Variants in ASTN1 observed in about 807,000 individuals in gnomAD.
ASTN1 encodes astrotactin 1.
In ASTN1, 41 loss-of-function variants were observed where a neutral mutation model predicts 140.7. The observed-to-expected ratio is 0.29, with a 90% confidence interval of 0.23 to 0.38. The LOEUF (loss-of-function observed/expected upper bound fraction) is 0.38. Ranked by LOEUF, ASTN1 falls within the 10% of genes least tolerant of loss-of-function variation. The pLI, the probability that ASTN1 is intolerant of heterozygous loss-of-function variation, is 1.00. For missense variants in ASTN1, 1,479 were observed against 1,678.8 expected (o/e 0.88, Z 2.08); for synonymous variants, 640 against 652.2 (o/e 0.98, Z 0.29).
chr1:177,055,349 C>A (rs763839536), intron 2 of ASTN1, among the ~76,000 whole-genome samples: 2 of 152,218 alleles, frequency 1.3e-5, no homozygotes, highest in Middle Eastern at 3.2e-3. Flanking sequence ...GCAGGGCATT[C>A]CATGGTGCCA....
chr1:176,893,216 T>A (rs977334376), intron 17 of ASTN1, among the ~76,000 whole-genome samples: 1 of 152,094 alleles, frequency 6.6e-6, no homozygotes, highest in Non-Finnish European at 1.5e-5. Context: ...ATCCCACTGC[T>A]CCCAGGCAAG....
At position 176,876,524 on chromosome 1, in the gene ASTN1, C is replaced by T. The variant is rs777940721; in HGVS notation, c.3463+13G>A. 47 of 1,613,572 alleles carry T rather than the reference C, an allele frequency of 2.9e-5. No homozygotes were observed. The highest frequency in any genetic ancestry group is 4.5e-5 in the East Asian group (2 of 44,884). ...ATCCCTTCAGAAACACTGCTAACTT[C>T]GATGTCTCTTACCTTGAGCCTTGAC... On this transcript the variant is annotated intron_variant, in intron 21 of 22. Transcript: ENST00000361833.
intron 12 of ASTN1, among the ~76,000 whole-genome samples, chr1:176,947,474 CG>C (rs1316556774): frequency 6.6e-6 from 1 of 152,074 alleles, no homozygotes; most frequent in African/African-American, 2.4e-5. Flanking sequence ...TTCTTCGGCA[CG>C]CTATATATAG....
chr1:176,919,842 CT>C (rs1670656418), intron 16 of ASTN1, among the ~76,000 whole-genome samples: 1 of 152,216 alleles, frequency 6.6e-6, no homozygotes, highest in African/African-American at 2.4e-5. Flanking sequence ...ATAAACCTGA[CT>C]GAAGAAAAAC....
At chr1:176,982,668 T>G (rs1395140105) in intron 8 of ASTN1, among the ~76,000 whole-genome samples, 2 of 152,166 alleles carry the variant, frequency 1.3e-5, no homozygotes, top group Non-Finnish European at 2.9e-5. Flanking sequence ...CTGGAGAACT[T>G]TTGACCTTCA....
intron 16 of ASTN1, among the ~76,000 whole-genome samples, chr1:176,909,287 C>T (rs1370294109): frequency 1.3e-5 from 2 of 152,142 alleles, no homozygotes; most frequent in African/African-American, 4.8e-5. Context: ...CAATGGGCTT[C>T]CATGTAAAGT....
At chr1:176,943,225 G>C (rs1267436216) in intron 14 of ASTN1, among the ~76,000 whole-genome samples, 1 of 151,894 alleles carries the variant, frequency 6.6e-6, no homozygotes, top group African/African-American at 2.4e-5. Flanking sequence ...GCCAGCTGGG[G>C]GTCTTCAGAG....
chr1:177,164,294 G>T, intron 1 of ASTN1, 100 bp downstream of exon 1: 1 of 1,264,222 alleles, frequency 7.9e-7, no homozygotes, highest in Non-Finnish European at 1.1e-6. Flanking sequence ...GAGTGGGGGA[G>T]GGGAGGTCGT....
intron 2 of ASTN1, among the ~76,000 whole-genome samples, chr1:177,041,513 C>A (rs1366939033): frequency 6.6e-6 from 1 of 152,168 alleles, no homozygotes; most frequent in Non-Finnish European, 1.5e-5. Flanking sequence ...TGGGCACCAG[C>A]CCTTCAAAAC....
intron 17 of ASTN1, among the ~76,000 whole-genome samples, chr1:176,889,061 C>T (rs1669156698): frequency 6.6e-6 from 1 of 152,178 alleles, no homozygotes; most frequent in African/African-American, 2.4e-5. Context: ...AATTTGTAAC[C>T]ATCACAGAAC....
chr1:177,120,416 A>C (rs1359693613), intron 1 of ASTN1, among the ~76,000 whole-genome samples: 2 of 152,112 alleles, frequency 1.3e-5, no homozygotes, highest in East Asian at 3.9e-4. Context: ...CACGCATCCC[A>C]AAGGGGTTTT....
At chr1:177,039,905 A>G (rs1055739128) in intron 2 of ASTN1, among the ~76,000 whole-genome samples, 63 of 152,354 alleles carry the variant, frequency 4.1e-4, no homozygotes, top group African/African-American at 1.3e-3. Context: ...GAAGCAGGTC[A>G]TCAACCCCAG....
At chr1:177,117,589 A>G (rs1026019361) in intron 1 of ASTN1, among the ~76,000 whole-genome samples, 3 of 152,222 alleles carry the variant, frequency 2.0e-5, no homozygotes, top group Non-Finnish European at 4.4e-5. Flanking sequence ...TTCTTCAAGC[A>G]TCATCAGTGA....
chr1:177,129,898 T>G (rs1257834359), intron 1 of ASTN1, among the ~76,000 whole-genome samples: 1 of 151,730 alleles, frequency 6.6e-6, no homozygotes, highest in Admixed American at 6.6e-5. Context: ...ACCCAGGAGG[T>G]GGAGGTTGTG....
At chr1:177,154,476 C>T (rs977725683) in intron 1 of ASTN1, among the ~76,000 whole-genome samples, 5 of 152,060 alleles carry the variant, frequency 3.3e-5, no homozygotes, top group South Asian at 4.2e-4. Context: ...AGGCAGAACT[C>T]GAATATTACC....
chr1:176,957,658 A>G lies in ASTN1; in HGVS notation c.1887+20T>C, dbSNP rs748034509. On this transcript the variant is annotated intron_variant, in intron 11 of 22. Transcript: ENST00000361833. ...TCCCCATCCTCAAACAGAAACTACT[A>G]GCTTGCAGGGCAGACCTACCACGCA... The G allele has an allele frequency of 6.2e-7, 1 of 1,612,798 alleles. No homozygotes were observed. Among genetic ancestry groups the G allele is most frequent in the Non-Finnish European group, 8.5e-7 (1 of 1,179,286 alleles).
At chr1:177,098,691 AT>A (rs1457743102) in intron 1 of ASTN1, among the ~76,000 whole-genome samples, 3 of 152,308 alleles carry the variant, frequency 2.0e-5, no homozygotes, top group African/African-American at 7.2e-5. Context: ...GTAAACAATG[AT>A]TTGAGAAAAA....
At chr1:176,900,155 T>G (rs1277144833) in intron 16 of ASTN1, among the ~76,000 whole-genome samples, 1 of 152,200 alleles carries the variant, frequency 6.6e-6, no homozygotes, top group East Asian at 1.9e-4. Flanking sequence ...CTCTAGTCCT[T>G]TACTAACACA....
At chr1:176,858,072 A>G (rs1667865753), downstream of ASTN1, among the ~76,000 whole-genome samples, 1 of 152,212 alleles carries the variant, frequency 6.6e-6, no homozygotes, top group South Asian at 2.1e-4. Context: ...AATCCATTAC[A>G]CTAATTTGTA....
Sources: allele counts gnomAD v4.1 joint callset (sites outside exome capture counted in the v4.1 genomes callset), GRCh38; gene constraint gnomAD v4.1.1; transcripts MANE v1.5; gene names NCBI Gene and HGNC (gene_info 2026-07-23, HGNC 2026-07-21).